AGMO: variants seen among roughly 807,000 people sequenced by gnomAD.
AGMO encodes alkylglycerol monooxygenase.
A neutral mutation model predicts 60.2 loss-of-function variants in AGMO; 75 were observed. The observed-to-expected ratio is 1.25, with a 90% CI of 1.03 to 1.51. AGMO has a LOEUF of 1.51. Among genes scored for constraint, AGMO ranks in the 40% most tolerant of loss-of-function variants. The pLI, the probability that AGMO is intolerant of heterozygous loss-of-function variation, is 0.00. For synonymous variants in AGMO, 261 were observed against 177.1 expected, an observed-to-expected ratio of 1.47 and a Z score of -3.76; for missense variants, 763 against 525.5, an observed-to-expected ratio of 1.45 and a Z score of -4.42.
At chr7:15,417,227 A>G (rs1435151151) in intron 5 of AGMO, among the ~76,000 whole-genome samples, 2 of 152,154 alleles carry the variant, frequency 1.3e-5, no homozygotes, top group African/African-American at 4.8e-5. Flanking sequence ...GGTTCTAAGC[A>G]TTGCTTTTGA....
At chr7:15,307,866 C>T (rs1780660779) in intron 12 of AGMO, among the ~76,000 whole-genome samples, 1 of 152,070 alleles carries the variant, frequency 6.6e-6, no homozygotes, top group South Asian at 2.1e-4. Flanking sequence ...AAGACCCATA[C>T]CTCCTTCATA....
chr7:15,236,561 CAG>C (rs1782426450), intron 12 of AGMO, among the ~76,000 whole-genome samples: 1 of 152,076 alleles, frequency 6.6e-6, no homozygotes, highest in South Asian at 2.1e-4. Flanking sequence ...AAGAAATATA[CAG>C]AGACAATAAT....
intron 12 of AGMO, among the ~76,000 whole-genome samples, chr7:15,349,728 T>C (rs1034063205): frequency 5.9e-5 from 9 of 152,106 alleles, no homozygotes; most frequent in African/African-American, 1.9e-4. Context: ...TCAGGAAACT[T>C]ATAATCATGG....
At chr7:15,372,698 A>G (rs572524498) in intron 10 of AGMO, among the ~76,000 whole-genome samples, 13 of 152,184 alleles carry the variant, frequency 8.5e-5, no homozygotes, top group Non-Finnish European at 1.6e-4. Flanking sequence ...GTTTTAAACA[A>G]TATGTGAAAT....
At chr7:15,302,823 G>C (rs1413179779) in intron 12 of AGMO, among the ~76,000 whole-genome samples, 1 of 152,130 alleles carries the variant, frequency 6.6e-6, no homozygotes, top group Non-Finnish European at 1.5e-5. Context: ...GTCAACTAGA[G>C]TTAAGCTTCA....
chr7:15,338,448 G>A (rs1583424709), intron 12 of AGMO, among the ~76,000 whole-genome samples: 1 of 121,764 alleles, frequency 8.2e-6, no homozygotes, highest in Non-Finnish European at 1.6e-5. Context: ...TTTGAGATTT[G>A]GCATTGTGAT....
At position 15,280,000 on chromosome 7, in the gene AGMO, G is replaced by C. The variant is rs1449568263; in HGVS notation, c.1264-78641C>G. Reference sequence around the variant, plus strand: ...CCAGCTAAATCAGGCAGTGGTCACAGGTTGAAAGAAGCTTCCAGCTGAAAT... The same window carrying C: ...CCAGCTAAATCAGGCAGTGGTCACACGTTGAAAGAAGCTTCCAGCTGAAAT... On this transcript the variant is annotated intron_variant, in intron 12 of 12. Transcript: ENST00000342526. Among the ~76,000 whole-genome samples the C allele has an allele frequency of 2.6e-5, 4 of 152,192 alleles. 1 individual carries two copies. The highest frequency in any genetic ancestry group is 6.5e-5 in the Admixed American group (1 of 15,282).
intron 12 of AGMO, among the ~76,000 whole-genome samples, chr7:15,267,490 T>A (rs1342200071): frequency 6.6e-6 from 1 of 151,996 alleles, no homozygotes; most frequent in Non-Finnish European, 1.5e-5. Flanking sequence ...TCCAATCCAA[T>A]CTACATTTCC....
chr7:15,507,968 C>T (rs567409141), intron 3 of AGMO, among the ~76,000 whole-genome samples: 2 of 152,010 alleles, frequency 1.3e-5, no homozygotes, highest in Admixed American at 1.3e-4. Context: ...CAAGTGCTCA[C>T]TTTTGTCATT....
At chr7:15,205,793 T>C (rs753870765) in intron 12 of AGMO, among the ~76,000 whole-genome samples, 101 of 152,280 alleles carry the variant, frequency 6.6e-4, no homozygotes, top group Middle Eastern at 3.4e-3. Flanking sequence ...ATTAGAATAT[T>C]AGAATAACTA....
chr7:15,232,803 A>G (rs73679453), intron 12 of AGMO, among the ~76,000 whole-genome samples: 56 of 106,290 alleles, frequency 5.3e-4, no homozygotes, highest in African/African-American at 2.0e-3. Context: ...ACACACACGC[A>G]CACACACACA....
chr7:15,375,231 A>T (rs1583474757), intron 10 of AGMO, among the ~76,000 whole-genome samples: 1 of 152,180 alleles, frequency 6.6e-6, no homozygotes, highest in African/African-American at 2.4e-5. Context: ...CTCAAGATCA[A>T]ATTTCCTTGC....
chr7:15,347,223 T>C (rs974466741), intron 12 of AGMO, among the ~76,000 whole-genome samples: 4 of 152,036 alleles, frequency 2.6e-5, no homozygotes, highest in Non-Finnish European at 5.9e-5. Context: ...CGTATATACA[T>C]ACATAGATTA....
intron 12 of AGMO, among the ~76,000 whole-genome samples, chr7:15,329,174 T>TCCTCA (rs1781429732): frequency 6.6e-6 from 1 of 152,220 alleles, no homozygotes; most frequent in Non-Finnish European, 1.5e-5. Context: ...CTTTCTCTAC[T>TCCTCA]GGAACGTAAA....
chr7:15,282,002 G>T (rs948230955), intron 12 of AGMO, among the ~76,000 whole-genome samples: 1 of 152,004 alleles, frequency 6.6e-6, no homozygotes, highest in Non-Finnish European at 1.5e-5. Flanking sequence ...ACCAAGAGCA[G>T]AATTAGCTTT....
intron 4 of AGMO, among the ~76,000 whole-genome samples, chr7:15,423,034 G>A (rs577192225): frequency 1.3e-5 from 2 of 152,266 alleles, no homozygotes; most frequent in African/African-American, 2.4e-5. Flanking sequence ...GCTAAACAGC[G>A]TAAAATTACT....
chr7:15,137,902 T>C, the AGMO span, among the ~76,000 whole-genome samples: 1 of 146,826 alleles, frequency 6.8e-6, no homozygotes, highest in Non-Finnish European at 1.5e-5. Context: ...AGGCTTTAAC[T>C]GAAACAAGTG....
intron 12 of AGMO, among the ~76,000 whole-genome samples, chr7:15,202,415 T>A (rs1207067674): frequency 8.9e-6 from 1 of 112,876 alleles, no homozygotes; most frequent in Non-Finnish European, 1.8e-5. Flanking sequence ...TATTAAAGCA[T>A]GAATGAGGAA....
chr7:15,317,704 A>G (rs184850289), intron 12 of AGMO, among the ~76,000 whole-genome samples: 2 of 152,088 alleles, frequency 1.3e-5, no homozygotes, highest in Non-Finnish European at 2.9e-5. Flanking sequence ...AGAGATTCAG[A>G]AGTGATTTAA....
Sources: allele counts gnomAD v4.1 joint callset (sites outside exome capture counted in the v4.1 genomes callset), GRCh38; gene constraint gnomAD v4.1.1; transcripts MANE v1.5; gene names NCBI Gene and HGNC (gene_info 2026-07-23, HGNC 2026-07-21).